Variants in RYR2 observed in about 807,000 individuals in gnomAD.
RYR2 encodes the protein ryanodine receptor 2, also known as cardiac muscle ryanodine receptor-calcium release channel.
RYR2 carries 227 observed loss-of-function variants against 601.1 expected under a neutral mutation model. That is an observed-to-expected ratio of 0.38 (90% CI 0.34 to 0.42). RYR2 has a LOEUF of 0.42. Ranked by LOEUF, RYR2 falls within the 10% of genes least tolerant of loss-of-function variation. RYR2 has a pLI of 1.00. For missense variants in RYR2, 4,646 were observed against 6,156.5 expected, an observed-to-expected ratio of 0.75 and a Z score of 8.21; for synonymous variants, 2,223 against 2,175.1, an observed-to-expected ratio of 1.02 and a Z score of -0.61.
intron 8 of RYR2, among the ~76,000 whole-genome samples, chr1:237,383,718 C>T (rs192536697): frequency 3.3e-5 from 5 of 152,154 alleles, no homozygotes; most frequent in Admixed American, 1.3e-4. Context: ...CGTGAGCCAC[C>T]GCGCCTGGCC....
chr1:237,529,570 T>C (rs2779361), intron 24 of RYR2, among the ~76,000 whole-genome samples: 30 of 151,838 alleles, frequency 2.0e-4, no homozygotes, highest in African/African-American at 7.0e-4. Flanking sequence ...TTATGGGTTT[T>C]AGATAATTCC....
At position 237,730,078 on chromosome 1, in the gene RYR2, A is replaced by G. The variant is rs1226406606; in HGVS notation, c.10839-182A>G. Among the ~76,000 whole-genome samples the G allele has an allele frequency of 2.0e-5, 3 of 152,284 alleles. No individual in the cohort carries two copies. In the East Asian group the frequency reaches 5.8e-4, roughly 29 times the overall value. On this transcript the variant is annotated intron_variant, in intron 76 of 104. Transcript: ENST00000366574. Reference sequence around the variant, plus strand: ...AATGACTGAGCCAGGATTGAAATGCAAGTCACTGTGCGCTATGTTTGCTGC... The same window carrying G: ...AATGACTGAGCCAGGATTGAAATGCGAGTCACTGTGCGCTATGTTTGCTGC...
chr1:237,153,859 A>T (rs1455466335), intron 1 of RYR2, among the ~76,000 whole-genome samples: 1 of 152,142 alleles, frequency 6.6e-6, no homozygotes, highest in Non-Finnish European at 1.5e-5. Flanking sequence ...TACTAGGCAA[A>T]CAGGGTTTTT....
At chr1:237,062,412 C>G (rs1014914740) in intron 1 of RYR2, among the ~76,000 whole-genome samples, 1 of 152,090 alleles carries the variant, frequency 6.6e-6, no homozygotes, top group Admixed American at 6.5e-5. Context: ...TAAAATTTCT[C>G]TCAGTATTTG....
intron 29 of RYR2, among the ~76,000 whole-genome samples, chr1:237,569,677 G>T (rs1672461435): frequency 6.6e-6 from 1 of 152,304 alleles, no homozygotes; most frequent in South Asian, 2.1e-4. Context: ...TCTCATAAAA[G>T]TGAAATGAGG....
chr1:237,152,873 C>A (rs1267510844), intron 1 of RYR2, among the ~76,000 whole-genome samples: 1 of 152,060 alleles, frequency 6.6e-6, no homozygotes, highest in African/African-American at 2.4e-5. Flanking sequence ...AACAGGCAAC[C>A]CGCAGAATGG....
At chr1:237,609,911 C>G (rs1677639428) in intron 35 of RYR2, among the ~76,000 whole-genome samples, 1 of 151,148 alleles carries the variant, frequency 6.6e-6, no homozygotes, top group Non-Finnish European at 1.5e-5. Context: ...ATTAGCATAT[C>G]ATCAGTATTT....
At chr1:237,421,026 G>T (rs1215109098) in intron 11 of RYR2, among the ~76,000 whole-genome samples, 1 of 152,208 alleles carries the variant, frequency 6.6e-6, no homozygotes, top group Non-Finnish European at 1.5e-5. Context: ...AGATCACAAG[G>T]TCAGGAGATC....
chr1:237,225,051 G>A (rs1358448144), intron 1 of RYR2, among the ~76,000 whole-genome samples: 1 of 152,010 alleles, frequency 6.6e-6, no homozygotes, highest in Non-Finnish European at 1.5e-5. Context: ...CATTTCAGAA[G>A]GTTTGTTTTC....
chr1:237,171,118 C>T (rs1421783067), intron 1 of RYR2, among the ~76,000 whole-genome samples: 3 of 151,778 alleles, frequency 2.0e-5, no homozygotes, highest in African/African-American at 7.3e-5. Flanking sequence ...CCTGTAGTGC[C>T]AGCTACTCGG....
At chr1:237,576,855 G>A (rs564524571) in intron 29 of RYR2, among the ~76,000 whole-genome samples, 51 of 152,230 alleles carry the variant, frequency 3.4e-4, no homozygotes, top group Admixed American at 2.4e-3. Flanking sequence ...GACAATAAAC[G>A]TGTGAAGAGA....
intron 16 of RYR2, among the ~76,000 whole-genome samples, chr1:237,458,841 A>G (rs1659145610): frequency 6.6e-6 from 1 of 152,202 alleles, no homozygotes; most frequent in Non-Finnish European, 1.5e-5. Flanking sequence ...AAATTTATAG[A>G]GTCATAATAC....
rs750241202 is a variant in RYR2 at position 237,643,402 on chromosome 1, G to A, written c.7297G>A (p.Val2433Met). ...ATCCCTCATTCCCCTGGGAGATTTGGTGGGCGTTATCAGCATCGCTTTTCA... is the reference window on the plus strand; with the variant it reads ...ATCCCTCATTCCCCTGGGAGATTTGATGGGCGTTATCAGCATCGCTTTTCA... ...LRSLIPLGDLVGVISIAFQMP... is the reference protein window; with the variant it reads ...LRSLIPLGDLMGVISIAFQMP... The change falls in exon 48 of 105, where the codon GTG becomes ATG. Residue 2433 changes from valine to methionine, a missense_variant. Transcript: ENST00000366574. 4 of 1,613,856 alleles carry A rather than the reference G, an allele frequency of 2.5e-6. No individual in the cohort carries two copies. In the Admixed American group the frequency reaches 6.7e-5, roughly 27 times the overall value.
At chr1:237,829,167 G>A (rs1663495982) in intron 102 of RYR2, among the ~76,000 whole-genome samples, 1 of 152,190 alleles carries the variant, frequency 6.6e-6, no homozygotes, top group South Asian at 2.1e-4. Context: ...AGTTTAATAT[G>A]TGGGCTGTGG....
Position 237,669,777 on chromosome 1 carries a change from C to T in RYR2, c.8590+1819C>T, listed in dbSNP as rs1274016387. Among the ~76,000 whole-genome samples the T allele has an allele frequency of 1.2e-3, 178 of 150,346 alleles. 1 individual carries two copies. The highest frequency in any genetic ancestry group is 2.1e-3 in the South Asian group (10 of 4,730). ...CTCACTTCCTAGATGGGATGGCGGC[C>T]GGGCAGAGACGCTCCTCACTTTCCA... On this transcript the variant is annotated intron_variant, in intron 58 of 104. Transcript: ENST00000366574.
chr1:237,566,674 G>T lies in RYR2; in HGVS notation c.3322G>T (p.Val1108Phe). The T allele has an allele frequency of 1.2e-6, 2 of 1,613,974 alleles. No individual in the cohort carries two copies. The highest frequency in any genetic ancestry group is 2.2e-5 in the South Asian group (2 of 91,078). ...ACGGTGGTATTTTGAATTTGAGACG[G>T]TCACTGCTGGAGACATGAGGGTTGG... The part of the protein sequence containing the change: ...AGRWYFEFET[V>F]TAGDMRVGWS... Residue 1108 changes from valine to phenylalanine, a missense_variant, in exon 28 of 105, where the codon GTC (valine) becomes TTC (phenylalanine). Coordinates refer to ENST00000366574, the MANE Select transcript of RYR2 (RefSeq NM_001035.3).
Position 237,727,284 on chromosome 1 carries a change from G to A in RYR2, c.10838+85G>A, listed in dbSNP as rs1690279515. 7 of 536,430 alleles carry A rather than the reference G, an allele frequency of 1.3e-5. No individual in the cohort carries two copies. In the East Asian group the frequency reaches 2.1e-4, roughly 16 times the overall value. The allele number at this position is 536,430 out of a possible 1,614,324, so 33.2% of individuals were successfully genotyped here. On this transcript the variant is annotated intron_variant, in intron 76 of 104. Transcript: ENST00000366574. ...GTGTTTAGAATCTACCTTAATAGGGGTACAATAGTCCAAGAGAAGGATGGA... is the reference window on the plus strand; with the variant it reads ...GTGTTTAGAATCTACCTTAATAGGGATACAATAGTCCAAGAGAAGGATGGA...
chr1:237,614,980 C>A lies in RYR2; in HGVS notation c.5715+137C>A. On this transcript the variant is annotated intron_variant, in intron 37 of 104. Coordinates refer to ENST00000366574, the MANE Select transcript of RYR2 (RefSeq NM_001035.3). This position sits in a 1 kb window ranked among gnomAD's most constrained non-coding sequence, Gnocchi z 4.3. ...TAATGGTAGTTCTTCATAAAATTAACTAACTTCCTATTCTTTTCCCTCTTA... is the reference window on the plus strand; with the variant it reads ...TAATGGTAGTTCTTCATAAAATTAAATAACTTCCTATTCTTTTCCCTCTTA... The A allele has an allele frequency of 1.1e-6, 1 of 889,802 alleles. No homozygotes were observed. The highest frequency in any genetic ancestry group is 2.7e-5 in the East Asian group (1 of 37,244). The allele number at this position is 889,802 out of a possible 1,614,324, so 55.1% of individuals were successfully genotyped here.
intron 29 of RYR2, among the ~76,000 whole-genome samples, chr1:237,572,046 A>AT (rs1672753679): frequency 6.6e-6 from 1 of 152,074 alleles, no homozygotes. Flanking sequence ...GGTCTTATTC[A>AT]TTTTTTCTAA....
Sources: gnomAD v4.1 joint callset for allele counts (sites outside exome capture counted in the v4.1 genomes callset) on GRCh38, gnomAD v4.1.1 for gene constraint, Gnocchi (gnomAD v3.1) non-coding constraint, MANE v1.5 for transcripts, NCBI Gene and HGNC (gene_info 2026-07-23, HGNC 2026-07-21) for gene names.